Variants in BNC2 observed in about 807,000 individuals in gnomAD.
BNC2 encodes zinc finger protein basonuclin-2.
Under a neutral mutation model 76.3 loss-of-function variants are expected in BNC2, and 20 were observed. The observed-to-expected ratio is 0.26, with a 90% confidence interval of 0.18 to 0.38. The LOEUF (loss-of-function observed/expected upper bound fraction) is 0.38, where lower values mean the gene tolerates loss of function less well. Ranked by LOEUF, BNC2 falls within the 10% of genes least tolerant of loss-of-function variation. The pLI, the probability that BNC2 is intolerant of heterozygous loss-of-function variation, is 1.00. For synonymous variants in BNC2, 582 were observed against 514.8 expected (o/e 1.13, Z -1.77); for missense variants, 1,382 against 1,399.8 (o/e 0.99, Z 0.20).
intron 5 of BNC2, among the ~76,000 whole-genome samples, chr9:16,517,566 AAC>A (rs376415647): frequency 6.6e-6 from 1 of 152,094 alleles, no homozygotes; most frequent in African/African-American, 2.4e-5. Context: ...ATTAATTGCA[AAC>A]ACACACACAC....
intron 5 of BNC2, among the ~76,000 whole-genome samples, chr9:16,505,965 C>T (rs1822613856): frequency 6.6e-6 from 1 of 152,168 alleles, no homozygotes; most frequent in Non-Finnish European, 1.5e-5. Flanking sequence ...GAAACACTTC[C>T]TCAAATAAAA....
At chr9:16,818,027 G>A (rs571766466) in intron 1 of BNC2, among the ~76,000 whole-genome samples, 10 of 152,108 alleles carry the variant, frequency 6.6e-5, no homozygotes. Context: ...CTGGGGAAGA[G>A]GCTGGAGATG....
intron 1 of BNC2, among the ~76,000 whole-genome samples, chr9:16,785,361 G>A (rs893968223): frequency 1.3e-5 from 2 of 152,122 alleles, no homozygotes; most frequent in Non-Finnish European, 2.9e-5. Flanking sequence ...AGGGGATCAG[G>A]TGACTACTTA....
intron 1 of BNC2, chr9:16,832,249 GA>G (rs1563962689): frequency 7.8e-7 from 1 of 1,274,172 alleles, no homozygotes; most frequent in Non-Finnish European, 1.0e-6. Context: ...AATACCAGTA[GA>G]AGAGAAAATC....
At chr9:16,700,013 T>A (rs1453402732) in intron 3 of BNC2, among the ~76,000 whole-genome samples, 3 of 152,220 alleles carry the variant, frequency 2.0e-5, no homozygotes, top group African/African-American at 7.2e-5. Context: ...GTTAAGTTGA[T>A]CCACTTTATC....
intron 6 of BNC2, chr9:16,429,823 T>C (rs1350078716): frequency 2.3e-6 from 1 of 437,038 alleles, no homozygotes; most frequent in Non-Finnish European, 4.6e-6. Flanking sequence ...TGGAAATGAG[T>C]GGTGCAGTTC....
At chr9:16,743,333 T>TA (rs1824904949) in intron 1 of BNC2, among the ~76,000 whole-genome samples, 1 of 152,156 alleles carries the variant, frequency 6.6e-6, no homozygotes, top group Admixed American at 6.5e-5. Context: ...CATGTTTGGT[T>TA]AAAGCTCCTA....
intron 5 of BNC2, among the ~76,000 whole-genome samples, chr9:16,532,001 T>TCA (rs1231707391): frequency 6.6e-6 from 1 of 152,114 alleles, no homozygotes; most frequent in Non-Finnish European, 1.5e-5. Flanking sequence ...TTTCGTTATC[T>TCA]CAGTTGCTAA....
chr9:16,655,198 G>A (rs112671080), intron 3 of BNC2, among the ~76,000 whole-genome samples: 43 of 151,796 alleles, frequency 2.8e-4, no homozygotes, highest in African/African-American at 1.0e-3. Flanking sequence ...AAATCATTAC[G>A]ATACAGCATA....
At chr9:16,641,603 G>A (rs917687534) in intron 3 of BNC2, among the ~76,000 whole-genome samples, 2 of 152,042 alleles carry the variant, frequency 1.3e-5, no homozygotes, top group African/African-American at 2.4e-5. Flanking sequence ...TAAAGTATTC[G>A]GATGCAAATT....
rs760894948 is a variant in BNC2, at chr9:16,435,799, C to T, written c.2395G>A (p.Ala799Thr). The change falls in exon 6 of 7, where the codon GCC (alanine) becomes ACC (threonine). Residue 799 changes from alanine to threonine, a missense_variant. Transcript: ENST00000380672. ...SQYGLYNGGG[A>T]SMAALHESFT... ...CTCTCATGCAAGGCGGCCATGCTGG[C>T]ACCCCCACCATTGTACAGTCCATAC... 2.4e-5 allele frequency: 39 copies of T among 1,614,186 alleles called. No homozygotes were observed. Among genetic ancestry groups the T allele is most frequent in the Non-Finnish European group, 3.2e-5 (38 of 1,180,032 alleles).
chr9:16,832,518 C>A (rs1372974305), intron 1 of BNC2, among the ~76,000 whole-genome samples: 1 of 152,198 alleles, frequency 6.6e-6, no homozygotes, highest in Non-Finnish European at 1.5e-5. Context: ...CGTGTCCTGA[C>A]TGTAAAACAA....
intron 3 of BNC2, among the ~76,000 whole-genome samples, chr9:16,717,323 T>C (rs983026444): frequency 6.6e-6 from 1 of 151,932 alleles, no homozygotes; most frequent in Non-Finnish European, 1.5e-5. Flanking sequence ...ACTTTCTTTC[T>C]TTTTTAAGTA....
intron 5 of BNC2, among the ~76,000 whole-genome samples, chr9:16,500,788 G>C (rs1272468497): frequency 1.3e-5 from 2 of 152,314 alleles, no homozygotes; most frequent in East Asian, 3.9e-4. Context: ...TCTGTTTTAA[G>C]AGTACACTAC....
In BNC2 at chr9:16,436,561, G is replaced by T. The variant is rs368368580; in HGVS notation, c.1633C>A (p.Pro545Thr). 2 of 1,613,986 alleles carry T rather than the reference G, an allele frequency of 1.2e-6. No individual in the cohort carries two copies. The highest frequency in any genetic ancestry group is 1.7e-6 in the Non-Finnish European group (2 of 1,180,022). The change falls in exon 6 of 7, where the codon CCT becomes ACT. Residue 545 changes from proline to threonine, a missense_variant. This residue lies in a region of BNC2 where 798 missense variants were observed against 775.5 expected (regional missense o/e 1.03). Transcript: ENST00000380672. ...GGATTTTGCAAGACAGGGTCTAGAG[G>T]GGGAGTGGTAAAACCCATTGGGGGT... ...GRPPMGFTTP[P>T]LDPVLQNPLP...
At chr9:16,765,359 T>C (rs1022222634) in intron 1 of BNC2, among the ~76,000 whole-genome samples, 2 of 152,170 alleles carry the variant, frequency 1.3e-5, no homozygotes, top group Non-Finnish European at 1.5e-5. Flanking sequence ...TAAGATCTAT[T>C]TTGGAGAAGC....
At chr9:16,757,135 C>A (rs1244732531) in intron 1 of BNC2, among the ~76,000 whole-genome samples, 1 of 152,084 alleles carries the variant, frequency 6.6e-6, no homozygotes, top group Admixed American at 6.5e-5. Flanking sequence ...GAACCTATAT[C>A]CCCAGTGCCT....
intron 3 of BNC2, among the ~76,000 whole-genome samples, chr9:16,648,688 TG>T (rs1483917231): frequency 6.6e-6 from 1 of 152,222 alleles, no homozygotes; most frequent in African/African-American, 2.4e-5. Flanking sequence ...TTGTGTCACC[TG>T]CAAACCACAA....
At chr9:16,659,596 G>A (rs1822047968) in intron 3 of BNC2, among the ~76,000 whole-genome samples, 1 of 131,380 alleles carries the variant, frequency 7.6e-6, no homozygotes, top group Non-Finnish European at 1.6e-5. Flanking sequence ...GACAGAGCGA[G>A]ACTCCGTCTC....
Sources: gnomAD v4.1 joint callset for allele counts (sites outside exome capture counted in the v4.1 genomes callset) on GRCh38, gnomAD v4.1.1 for gene constraint, gnomAD v4.1.1 regional missense constraint, MANE v1.5 for transcripts, NCBI Gene and HGNC (gene_info 2026-07-23, HGNC 2026-07-21) for gene names.